Variants in STAT5B observed in about 807,000 individuals in gnomAD.
STAT5B encodes the protein signal transducer and activator of transcription 5B.
STAT5B carries 21 observed loss-of-function variants against 107.8 expected under a neutral mutation model. The observed-to-expected ratio is 0.19, with a 90% CI of 0.14 to 0.28. The LOEUF (loss-of-function observed/expected upper bound fraction) is 0.28. STAT5B is among the 10% of genes least tolerant of loss of function. The pLI is 1.00. For synonymous variants in STAT5B, 325 were observed against 401.7 expected (o/e 0.81, Z 2.28); for missense variants, 565 against 1,008.2 (o/e 0.56, Z 5.95).
At chr17:42,269,617 C>T (rs2080705069) in intron 1 of STAT5B, 1 of 152,144 alleles carries the variant, frequency 6.6e-6, no homozygotes, top group African/African-American at 2.4e-5. Flanking sequence ...AAATTCAACC[C>T]TGGTCAAAGG....
At chr17:42,245,641 G>A (rs1475355569) in intron 1 of STAT5B, among the ~76,000 whole-genome samples, 1 of 152,076 alleles carries the variant, frequency 6.6e-6, no homozygotes, top group Non-Finnish European at 1.5e-5. Context: ...TCCTGCCTCA[G>A]CCTCCCGAGT....
intron 1 of STAT5B, among the ~76,000 whole-genome samples, chr17:42,256,258 T>A (rs1052367671): frequency 6.6e-6 from 1 of 152,070 alleles, no homozygotes; most frequent in Non-Finnish European, 1.5e-5. Flanking sequence ...TCCCCCCAAC[T>A]TTTTTTGAGA....
At chr17:42,217,653 T>A in intron 9 of STAT5B, 189 bp from the exon 10 acceptor site, 4 of 627,722 alleles carry the variant, frequency 6.4e-6, no homozygotes, top group African/African-American at 1.9e-5. Context: ...TGAAACAAGA[T>A]CAAACTATCT....
In STAT5B at chr17:42,201,831, G is replaced by A. The variant is rs749104172; in HGVS notation, c.2271C>T (p.Phe757=). 20 of 1,613,872 alleles carry A rather than the reference G, an allele frequency of 1.2e-5. No homozygotes were observed. The highest frequency in any genetic ancestry group is 1.2e-4 in the Admixed American group (7 of 59,982). Reference sequence around the variant, plus strand: ...CTACGTCCATTGTGTCCTCCAGATCGAAGTCCCCATCGGTGTCAAGGACTG... The same window carrying A: ...CTACGTCCATTGTGTCCTCCAGATCAAAGTCCCCATCGGTGTCAAGGACTG... ...PDSVLDTDGD[F]DLEDTMDVAR... The change falls in exon 19 of 19, where the codon TTC becomes TTT. Residue 757 remains phenylalanine (F), a synonymous_variant. Coordinates refer to ENST00000293328, the MANE Select transcript of STAT5B (RefSeq NM_012448.4).
Position 42,201,973 on chromosome 17 carries a change from C to T in STAT5B, c.2238-109G>A. On this transcript the variant is annotated intron_variant, in intron 18 of 18. Transcript: ENST00000293328. ...GTCTGAGCCAGCCTATGCCCTCAGC[C>T]TGGGGCTTCATGGGAAAAGAACAAC... 2.9e-6 allele frequency: 3 copies of T among 1,045,660 alleles called. No homozygotes were observed. The South Asian group carries it at 4.1e-5, about 14-fold the overall frequency. 64.8% of individuals were successfully genotyped at this position (1,045,660 alleles called of 1,614,324 possible).
At position 42,218,680 on chromosome 17, in the gene STAT5B, A is replaced by G. The variant is rs749227370; in HGVS notation, c.989+43T>C. ...CTGCGGCTCCCCCCACGCAGGCAGG[A>G]GCTGCCCCAAGCTCCTGGGCATGGC... On this transcript the variant is annotated intron_variant, in intron 8 of 18. Coordinates refer to ENST00000293328, the MANE Select transcript of STAT5B (RefSeq NM_012448.4). 9 of 1,611,646 alleles carry G rather than the reference A, an allele frequency of 5.6e-6. No homozygotes were observed. The Admixed American group carries it at 1.3e-4, about 24-fold the overall frequency.
chr17:42,217,239 G>A lies in STAT5B; in HGVS notation c.1301C>T (p.Ser434Leu), dbSNP rs1449203089. The A allele has an allele frequency of 3.1e-6, 5 of 1,613,986 alleles. No individual in the cohort carries two copies. Among genetic ancestry groups the A allele is most frequent in the Non-Finnish European group, 4.2e-6 (5 of 1,180,022 alleles). ...IKRSDRRGAE[S>L]VTEEKFTILF... ...GATTGTAAATTTTTCTTCTGTCACCGACTCTGCCCCACGACGGTCTGACCT... is the reference window on the plus strand; with the variant it reads ...GATTGTAAATTTTTCTTCTGTCACCAACTCTGCCCCACGACGGTCTGACCT... Residue 434 changes from serine to leucine, a missense_variant, in exon 11 of 19, where the codon TCG becomes TTG. Coordinates refer to ENST00000293328, the MANE Select transcript of STAT5B (RefSeq NM_012448.4).
intron 1 of STAT5B, among the ~76,000 whole-genome samples, chr17:42,242,397 C>T (rs1429780752): frequency 6.6e-6 from 1 of 152,100 alleles, no homozygotes; most frequent in Non-Finnish European, 1.5e-5. Context: ...TCACATATTA[C>T]TTATTATTCA....
chr17:42,284,511 C>T, the STAT5B span, among the ~76,000 whole-genome samples: 1 of 152,232 alleles, frequency 6.6e-6, no homozygotes, highest in African/African-American at 2.4e-5. Flanking sequence ...AGGTGATGCA[C>T]CCGCCTCAGC....
rs148024139 is a variant in STAT5B, at chr17:42,250,593, G to A, written c.-10-18456C>T. Reference sequence around the variant, plus strand: ...TATTCAAGGAGTTTTGTCCACCTTCGGAGCTCAGGCTGTGAACCACAGTGG... The same window carrying A: ...TATTCAAGGAGTTTTGTCCACCTTCAGAGCTCAGGCTGTGAACCACAGTGG... On this transcript the variant is annotated intron_variant, in intron 1 of 18. Transcript: ENST00000293328. 1.8e-3 allele frequency among the ~76,000 whole-genome samples: 267 copies of A among 152,160 alleles called. 1 individual carries two copies. Among genetic ancestry groups the A allele is most frequent in the African/African-American group, 6.0e-3 (249 of 41,518 alleles).
At chr17:42,229,986 C>T (rs892182033) in intron 2 of STAT5B, among the ~76,000 whole-genome samples, 7 of 152,086 alleles carry the variant, frequency 4.6e-5, no homozygotes, top group African/African-American at 1.7e-4. Flanking sequence ...TCAGTGAGAA[C>T]ACCAAATGAG....
At chr17:42,241,734 T>C (rs1031849529) in intron 1 of STAT5B, among the ~76,000 whole-genome samples, 2 of 152,078 alleles carry the variant, frequency 1.3e-5, no homozygotes, top group African/African-American at 4.8e-5. Flanking sequence ...TGAGCCACCA[T>C]GCCTAGCCTA....
intron 1 of STAT5B, among the ~76,000 whole-genome samples, chr17:42,241,201 G>A (rs571887505): frequency 1.3e-5 from 2 of 151,876 alleles, no homozygotes; most frequent in African/African-American, 2.4e-5. Context: ...TTAGCCAGGC[G>A]TGGTGGTGCA....
At chr17:42,201,918 C>T in intron 18 of STAT5B, 54 bp from the exon 19 acceptor site, 2 of 1,576,142 alleles carry the variant, frequency 1.3e-6, no homozygotes, top group Non-Finnish European at 1.7e-6. Flanking sequence ...CCAGAGACCA[C>T]CCCAAGCCCC....
chr17:42,238,151 C>T (rs905772688), intron 1 of STAT5B, among the ~76,000 whole-genome samples: 1 of 140,900 alleles, frequency 7.1e-6, no homozygotes, highest in Non-Finnish European at 1.5e-5. Context: ...TCCATCCATC[C>T]GAGACAGGGT....
intron 1 of STAT5B, chr17:42,269,630 A>G (rs1261839602): frequency 2.0e-5 from 3 of 152,220 alleles, no homozygotes; most frequent in African/African-American, 4.8e-5. Context: ...GTCAAAGGTG[A>G]CAGTTGACAA....
At chr17:42,230,723 C>A (rs1412519314) in intron 2 of STAT5B, among the ~76,000 whole-genome samples, 1 of 151,414 alleles carries the variant, frequency 6.6e-6, no homozygotes, top group Non-Finnish European at 1.5e-5. Context: ...TGCAGTAGTG[C>A]GATCTCGGCT....
At chr17:42,210,134 C>A in intron 15 of STAT5B, 37 bp downstream of exon 15, 1 of 1,614,028 alleles carries the variant, frequency 6.2e-7, no homozygotes, top group Middle Eastern at 1.7e-4. Context: ...GTAACGAAAG[C>A]AGCTAACTTT....
chr17:42,284,289 G>A, the STAT5B span, among the ~76,000 whole-genome samples: 3 of 150,778 alleles, frequency 2.0e-5, no homozygotes, highest in Admixed American at 1.3e-4. Context: ...TTTTTGTGAC[G>A]GAGTTTCGCT....
Sources: allele counts gnomAD v4.1 joint callset (sites outside exome capture counted in the v4.1 genomes callset), GRCh38; gene constraint gnomAD v4.1.1; transcripts MANE v1.5; gene names NCBI Gene and HGNC (gene_info 2026-07-23, HGNC 2026-07-21).